The following FBXO15 variants were observed in gnomAD, a reference collection of about 807,000 sequenced individuals.
FBXO15 encodes the protein F-box protein 15.
A neutral mutation model predicts 49.5 loss-of-function variants in FBXO15; 30 were observed. That is an observed-to-expected ratio of 0.61 (90% CI 0.45 to 0.82). The LOEUF (loss-of-function observed/expected upper bound fraction) is 0.82. FBXO15 is among the 40% of genes least tolerant of loss of function. The pLI, the probability that FBXO15 is intolerant of heterozygous loss-of-function variation, is 0.00. For missense variants in FBXO15, 591 were observed against 631.5 expected (o/e 0.94, Z 0.69); for synonymous variants, 250 against 232.7 (o/e 1.07, Z -0.68).
Position 74,140,237 on chromosome 18 carries a change from C to T in FBXO15, c.192G>A (p.Glu64=). 6.4e-7 allele frequency: 1 copy of T among 1,551,566 alleles called. No individual in the cohort carries two copies. The change falls in exon 2 of 10, where the codon GAG becomes GAA. Residue 64 remains glutamate (E), a synonymous_variant. Transcript: ENST00000419743. ...RCHAGGGQHW[E]SSFSCCSGFL... ...ACCCAGAACAGCAGGAGAAAGAGCT[C>T]TCCCAGTGCTGTCCACCTCCGGCAT...
At chr18:74,082,186 CAGCA>C (rs2145106790) in intron 8 of FBXO15, 135 bp from the exon 9 acceptor site, 1 of 698,490 alleles carries the variant, frequency 1.4e-6, no homozygotes, top group South Asian at 2.5e-5. Context: ...AACATGGGCA[CAGCA>C]ATCCCAGCCT....
In FBXO15 at chr18:74,075,933, G is replaced by A. The variant is rs142924291; in HGVS notation, c.1264-2203C>T. On this transcript the variant is annotated intron_variant, in intron 9 of 9. Transcript: ENST00000419743. This position sits in a 1 kb window ranked among gnomAD's most constrained non-coding sequence, Gnocchi z 4.1. ...ATTCCCAAAAGTTTATCTCCAGGCC[G>A]AACTTCTTTTCTAAGTTCAAGACCT... Among the ~76,000 whole-genome samples, 1 of 152,222 alleles carries A rather than the reference G, an allele frequency of 6.6e-6. No individual in the cohort carries two copies. The highest frequency in any genetic ancestry group is 2.4e-5 in the African/African-American group (1 of 41,532).
At chr18:74,123,991 T>TA (rs879663317) in intron 7 of FBXO15, among the ~76,000 whole-genome samples, 354 of 141,240 alleles carry the variant, frequency 2.5e-3, no homozygotes, top group African/African-American at 4.7e-3. Flanking sequence ...CTCAGGTAAT[T>TA]AAAAAAAAAA....
chr18:74,127,335 A>C (rs1277021095), intron 5 of FBXO15, among the ~76,000 whole-genome samples: 1 of 152,268 alleles, frequency 6.6e-6, no homozygotes, highest in Non-Finnish European at 1.5e-5. Context: ...ACAGAAACTA[A>C]GGCTGACGTT....
chr18:74,129,654 G>GA (rs76724179), intron 4 of FBXO15, 40 bp from the exon 5 acceptor site: 24,528 of 1,198,520 alleles, frequency 0.02, no homozygotes, highest in South Asian at 0.025. Flanking sequence ...TTGCCTCATT[G>GA]AAAAAAAAAA....
Position 74,081,936 on chromosome 18 carries a change from G to A in FBXO15, c.1254C>T (p.Gly418=), listed in dbSNP as rs1912517384. ...GLSWKTDIFD[G]CIKSCSMMDV... is the part of the protein sequence containing the mutation. ...ACGGTTCTGTTTTTACCTTTATACA[G>A]CCATCAAAAATATCAGTTTTCCACG... The change falls in exon 9 of 10, where the codon GGC becomes GGT. Residue 418 remains glycine (G), a synonymous_variant. Coordinates refer to ENST00000419743, the MANE Select transcript of FBXO15 (RefSeq NM_001142958.2). The A allele has an allele frequency of 6.2e-7, 1 of 1,611,170 alleles. No homozygotes were observed. The highest frequency in any genetic ancestry group is 8.5e-7 in the Non-Finnish European group (1 of 1,178,568).
intron 6 of FBXO15, among the ~76,000 whole-genome samples, chr18:74,125,506 T>C (rs1223222497): frequency 6.6e-6 from 1 of 152,136 alleles, no homozygotes; most frequent in Non-Finnish European, 1.5e-5. Flanking sequence ...GATAACATCG[T>C]AGACAGCTGA....
intron 8 of FBXO15, among the ~76,000 whole-genome samples, chr18:74,107,206 A>C (rs577451092): frequency 2.6e-5 from 3 of 116,386 alleles, no homozygotes; most frequent in South Asian, 4.7e-4. Context: ...AAAAAAAAAA[A>C]ACAACAAATT....
At chr18:74,114,962 G>C (rs1338330685) in intron 8 of FBXO15, among the ~76,000 whole-genome samples, 1 of 152,154 alleles carries the variant, frequency 6.6e-6, no homozygotes, top group Non-Finnish European at 1.5e-5. Context: ...CTATCAGGTA[G>C]TGCTGAGAGG....
At chr18:74,107,205 A>AAACAAC (rs548159872) in intron 8 of FBXO15, among the ~76,000 whole-genome samples, 32 of 151,172 alleles carry the variant, frequency 2.1e-4, no homozygotes, top group Admixed American at 7.9e-4. Context: ...AAAAAAAAAA[A>AAACAAC]AACAACAAAT....
chr18:74,076,994 T>C (rs1184879424), intron 9 of FBXO15, among the ~76,000 whole-genome samples: 1 of 152,162 alleles, frequency 6.6e-6, no homozygotes, highest in Non-Finnish European at 1.5e-5. Context: ...TCCCTGATAC[T>C]CTCATCTCAA....
intron 3 of FBXO15, among the ~76,000 whole-genome samples, chr18:74,132,151 G>A (rs1274638686): frequency 6.6e-6 from 1 of 152,232 alleles, no homozygotes; most frequent in Admixed American, 6.5e-5. Flanking sequence ...ACTTTCCTAT[G>A]TAAGCGGACA....
intron 8 of FBXO15, among the ~76,000 whole-genome samples, chr18:74,116,073 C>T (rs1462610407): frequency 1.3e-5 from 2 of 152,080 alleles, no homozygotes; most frequent in Non-Finnish European, 2.9e-5. Context: ...TTTCACAATA[C>T]AAAGATGTTT....
chr18:74,121,498 A>G lies in FBXO15; in HGVS notation c.1138+1870T>C, dbSNP rs559611248. Among the ~76,000 whole-genome samples, 3 of 152,356 alleles carry G rather than the reference A, an allele frequency of 2.0e-5. No homozygotes were observed. The South Asian group carries it at 6.2e-4, about 32-fold the overall frequency. On this transcript the variant is annotated intron_variant, in intron 8 of 9. Coordinates refer to ENST00000419743, the MANE Select transcript of FBXO15 (RefSeq NM_001142958.2). ...AAGATGTTCCACATTCTTGGATGGA[A>G]CAATTCAACAACATAGATGTTACTA... is the stretch of plus-strand genomic sequence containing the variant.
At chr18:74,090,173 C>A (rs1661979041) in intron 8 of FBXO15, among the ~76,000 whole-genome samples, 1 of 152,046 alleles carries the variant, frequency 6.6e-6, no homozygotes, top group Non-Finnish European at 1.5e-5. Flanking sequence ...GGAATTTATC[C>A]ATTTCTTCTA....
At chr18:74,079,466 C>A (rs184908541) in intron 9 of FBXO15, among the ~76,000 whole-genome samples, 107 of 152,122 alleles carry the variant, frequency 7.0e-4, no homozygotes, top group African/African-American at 2.1e-3. Context: ...GATGGTTATA[C>A]AACAATGAGA....
In FBXO15 at chr18:74,093,464, C is replaced by A. The variant is rs574688604; in HGVS notation, c.1139-11413G>T. On this transcript the variant is annotated intron_variant, in intron 8 of 9. Transcript: ENST00000419743. Reference sequence around the variant, plus strand: ...TGGGCTTCCAAGGCAGCACTGCAAGCAGGTACAGCCAAGTTGGGGCCCTGG... The same window carrying A: ...TGGGCTTCCAAGGCAGCACTGCAAGAAGGTACAGCCAAGTTGGGGCCCTGG... Among the ~76,000 whole-genome samples, 16 of 152,254 alleles carry A rather than the reference C, an allele frequency of 1.1e-4. No homozygotes were observed. In the South Asian group the frequency reaches 3.3e-3, roughly 32 times the overall value.
chr18:74,147,670 C>T lies in FBXO15; in HGVS notation c.116G>A (p.Arg39Lys), dbSNP rs1979531462. The change falls in exon 1 of 10, where the codon AGA becomes AAA. Residue 39 changes from arginine to lysine, a missense_variant and splice_region_variant. Transcript: ENST00000419743. Reference sequence around the variant, plus strand: ...CCCCACCCGCAGGCCCTACAGTCACCTGCACCCAAAGGCCCTGGCGCGCCC... The same window carrying T: ...CCCCACCCGCAGGCCCTACAGTCACTTGCACCCAAAGGCCCTGGCGCGCCC... ...ARGRARAFGC[R>K]KGPGVKLSAG... The T allele has an allele frequency of 6.8e-7, 1 of 1,472,284 alleles. No homozygotes were observed. Among genetic ancestry groups the T allele is most frequent in the Non-Finnish European group, 9.0e-7 (1 of 1,116,692 alleles). 91.2% of individuals were successfully genotyped at this position (1,472,284 alleles called of 1,614,324 possible). A position where few individuals can be genotyped will look rare whatever the true frequency, so the allele number is the denominator to read the frequency against.
chr18:74,131,145 G>A (rs570100927), intron 3 of FBXO15, among the ~76,000 whole-genome samples: 10 of 152,204 alleles, frequency 6.6e-5, no homozygotes, highest in African/African-American at 1.4e-4. Flanking sequence ...CAAGGAATAC[G>A]CTTTCACAAA....
Sources: gnomAD v4.1 joint callset for allele counts (sites outside exome capture counted in the v4.1 genomes callset) on GRCh38, gnomAD v4.1.1 for gene constraint, Gnocchi (gnomAD v3.1) non-coding constraint, MANE v1.5 for transcripts, NCBI Gene and HGNC (gene_info 2026-07-23, HGNC 2026-07-21) for gene names.